Variants in CLCN4 observed in about 807,000 individuals in gnomAD.
CLCN4 encodes the protein Cl-/H+ antiporter 4.
In CLCN4, 1 loss-of-function variant was observed where a neutral mutation model predicts 41.7. That is an observed-to-expected ratio of 0.02 (90% CI 0.01 to 0.11). The LOEUF is 0.11. Among genes scored for constraint, CLCN4 ranks in the 10% least tolerant of loss-of-function variants. The pLI is 1.00. For synonymous variants in CLCN4, 277 were observed against 285.8 expected (o/e 0.97, Z 0.31); for missense variants, 287 against 661.0 (o/e 0.43, Z 6.20).
At chrX:10,204,717 C>CAGA (rs1393148518) in intron 6 of CLCN4, among the ~76,000 whole-genome samples, 1 of 96,702 alleles carries the variant, frequency 1.0e-5, no homozygotes, top group African/African-American at 3.7e-5. Flanking sequence ...GGTAGTGGGC[C>CAGA]AGATTTGGAC....
chrX:10,235,599 A>G lies in CLCN4; in HGVS notation c.*2015A>G, dbSNP rs1324321696. The G allele has an allele frequency of 7.1e-5, 8 of 111,904 alleles. No homozygotes were observed. The highest frequency in any genetic ancestry group is 1.1e-4 in the Non-Finnish European group (6 of 53,220). The allele number at this position is 111,904 out of a possible 1,213,427, so 9.2% of individuals were successfully genotyped here. A position where few individuals can be genotyped will look rare whatever the true frequency, so the allele number is the denominator to read the frequency against. On this transcript the variant is annotated 3_prime_UTR_variant, in exon 13 of 13. Coordinates refer to ENST00000380833, the MANE Select transcript of CLCN4 (RefSeq NM_001830.4). ...GACCTAGAATTCCCAGCCCAAATCC[A>G]TAATTTCTTAGCTCTAATACGAATT...
At chrX:10,159,317 T>A (rs1413818379) in intron 2 of CLCN4, among the ~76,000 whole-genome samples, 3 of 111,762 alleles carry the variant, frequency 2.7e-5, no homozygotes, top group African/African-American at 9.8e-5. Flanking sequence ...ATTCCCAGAG[T>A]TCTTGTTAAT....
intron 12 of CLCN4, among the ~76,000 whole-genome samples, chrX:10,223,175 C>T (rs1248346829): frequency 8.9e-6 from 1 of 112,022 alleles, no homozygotes; most frequent in Non-Finnish European, 1.9e-5. Context: ...CCACTGAAGT[C>T]GATTTATGCA....
chrX:10,173,569 C>T (rs765962081), intron 2 of CLCN4, among the ~76,000 whole-genome samples: 1 of 111,647 alleles, frequency 9.0e-6, no homozygotes, highest in Admixed American at 9.5e-5. Flanking sequence ...CCCTCTGTGG[C>T]TCTTTCTCTG....
intron 12 of CLCN4, among the ~76,000 whole-genome samples, chrX:10,230,344 T>TTA (rs1925097011): frequency 8.9e-6 from 1 of 112,086 alleles, no homozygotes; most frequent in African/African-American, 3.2e-5. Flanking sequence ...GCAACTCTAA[T>TTA]GAGACCGGGG....
At chrX:10,205,390 G>A (rs1431363868) in intron 6 of CLCN4, among the ~76,000 whole-genome samples, 2 of 104,093 alleles carry the variant, frequency 1.9e-5, no homozygotes, top group East Asian at 3.1e-4. Context: ...GGAGAATGGC[G>A]TGAACCCAGG....
chrX:10,224,335 TGTGA>T (rs1431183448), intron 12 of CLCN4, among the ~76,000 whole-genome samples: 122 of 102,422 alleles, frequency 1.2e-3, no homozygotes, highest in African/African-American at 4.1e-3. Context: ...TGTGTGTGTA[TGTGA>T]GTGTGTGTGT....
At chrX:10,216,918 T>TATATATATATATATACACACACACACAC (rs773265490) in intron 11 of CLCN4, among the ~76,000 whole-genome samples, 1 of 38,931 alleles carries the variant, frequency 2.6e-5, no homozygotes, top group African/African-American at 1.1e-4. Context: ...TATATATATA[T>TATATATATATATATACACACACACACAC]ACACACACAC....
At chrX:10,200,307 G>A (rs748972672) in intron 6 of CLCN4, among the ~76,000 whole-genome samples, 2 of 113,002 alleles carry the variant, frequency 1.8e-5, no homozygotes, top group Non-Finnish European at 3.7e-5. Context: ...ACAGGAGTGA[G>A]CCACAGTGCT....
At chrX:10,191,105 A>G (rs1167321773) in intron 4 of CLCN4, among the ~76,000 whole-genome samples, 2 of 111,813 alleles carry the variant, frequency 1.8e-5, no homozygotes, top group South Asian at 3.7e-4. Flanking sequence ...ACAGAGTTGT[A>G]CAACCATCAC....
chrX:10,173,508 T>TCTGGAATTCTCCTTCCC (rs1569224082), intron 2 of CLCN4, among the ~76,000 whole-genome samples: 1 of 111,073 alleles, frequency 9.0e-6, no homozygotes, highest in Non-Finnish European at 1.9e-5. Flanking sequence ...GCAGTACCCT[T>TCTGGAATTCTCCTTCCC]CTGGAATTCT....
At chrX:10,216,526 G>C (rs1161495564) in intron 11 of CLCN4, among the ~76,000 whole-genome samples, 1 of 111,067 alleles carries the variant, frequency 9.0e-6, no homozygotes, top group Non-Finnish European at 1.9e-5. Context: ...GGACTCAGCG[G>C]GGAGTTGCAG....
At chrX:10,224,293 C>CGTGTGT (rs772983564) in intron 12 of CLCN4, among the ~76,000 whole-genome samples, 14,770 of 87,645 alleles carry the variant, frequency 0.17, 1,408 homozygotes, top group East Asian at 0.49. Flanking sequence ...GGGAGGGTTC[C>CGTGTGT]GTGTGTGTGT....
chrX:10,189,528 G>A (rs1923900660), intron 4 of CLCN4, among the ~76,000 whole-genome samples: 1 of 112,055 alleles, frequency 8.9e-6, no homozygotes, highest in African/African-American at 3.2e-5. Context: ...CCATGCGCAC[G>A]TCAGCAGGGG....
intron 10 of CLCN4, among the ~76,000 whole-genome samples, chrX:10,212,860 A>ACACACACACACACAC (rs1924601343): frequency 6.6e-5 from 5 of 76,205 alleles, no homozygotes; most frequent in Admixed American, 3.1e-4. Context: ...CACACACACA[A>ACACACACACACACAC]ACAGATGCCC....
At chrX:10,227,898 A>G (rs950552735) in intron 12 of CLCN4, among the ~76,000 whole-genome samples, 1 of 111,755 alleles carries the variant, frequency 8.9e-6, no homozygotes, top group African/African-American at 3.3e-5. Flanking sequence ...TTGCTGATCA[A>G]TTCATTAGTT....
intron 5 of CLCN4, among the ~76,000 whole-genome samples, chrX:10,197,182 G>A (rs1223764440): frequency 8.9e-6 from 1 of 112,406 alleles, no homozygotes; most frequent in Non-Finnish European, 1.9e-5. Context: ...TAGGACCCCA[G>A]ACTGTGTTTT....
chrX:10,163,848 C>T (rs1923175267), intron 2 of CLCN4, among the ~76,000 whole-genome samples: 2 of 112,083 alleles, frequency 1.8e-5, no homozygotes, highest in African/African-American at 3.3e-5. Context: ...GGTATTGAGC[C>T]GCATCCCTGG....
chrX:10,203,203 C>T (rs778003627), intron 6 of CLCN4, among the ~76,000 whole-genome samples: 12 of 111,954 alleles, frequency 1.1e-4, no homozygotes, highest in Non-Finnish European at 2.1e-4. Flanking sequence ...TCCAAATCCA[C>T]ATTAACTAAC....
Sources: gnomAD v4.1 joint callset for allele counts (sites outside exome capture counted in the v4.1 genomes callset) on GRCh38, gnomAD v4.1.1 for gene constraint, MANE v1.5 for transcripts, NCBI Gene and HGNC (gene_info 2026-07-23, HGNC 2026-07-21) for gene names.